CTXN2: variants seen among roughly 807,000 people sequenced by gnomAD.
CTXN2 encodes the protein cortexin-2.
A neutral mutation model predicts 5.7 loss-of-function variants in CTXN2; 3 were observed. That is an observed-to-expected ratio of 0.53 (90% CI 0.24 to 1.36). CTXN2 has a LOEUF of 1.36. Among genes scored for constraint, CTXN2 ranks in the 40% most tolerant of loss-of-function variants. The pLI, the probability that CTXN2 is intolerant of heterozygous loss-of-function variation, is 0.17. For synonymous variants in CTXN2, 38 were observed against 36.4 expected (o/e 1.04, Z -0.16); for missense variants, 87 against 93.0 (o/e 0.94, Z 0.26).
At chr15:48,188,080 G>C (rs2040776066), upstream of CTXN2, among the ~76,000 whole-genome samples, 1 of 151,778 alleles carries the variant, frequency 6.6e-6, no homozygotes, top group Non-Finnish European at 1.5e-5. Flanking sequence ...TAATCAAAAA[G>C]TAGAGAAATT....
At chr15:48,201,056 C>A (rs2040924292) in intron 1 of CTXN2, among the ~76,000 whole-genome samples, 188 bp from the exon 2 acceptor site, 1 of 152,204 alleles carries the variant, frequency 6.6e-6, no homozygotes, top group Non-Finnish European at 1.5e-5. Context: ...AAAGGAAATT[C>A]TTTAATTACA....
At chr15:48,188,860 T>C (rs1413926667), upstream of CTXN2, among the ~76,000 whole-genome samples, 1 of 152,222 alleles carries the variant, frequency 6.6e-6, no homozygotes, top group Non-Finnish European at 1.5e-5. Flanking sequence ...TTTTATCTTT[T>C]TGCAGTTCTT....
At chr15:48,190,528 C>T (rs755476816), upstream of CTXN2, among the ~76,000 whole-genome samples, 23 of 151,922 alleles carry the variant, frequency 1.5e-4, no homozygotes, top group Non-Finnish European at 2.4e-4. Flanking sequence ...TTTCCTAAAT[C>T]AGTAAATACT....
At chr15:48,199,804 A>G (rs1465692942) in intron 1 of CTXN2, among the ~76,000 whole-genome samples, 1 of 152,136 alleles carries the variant, frequency 6.6e-6, no homozygotes, top group Non-Finnish European at 1.5e-5. Flanking sequence ...TCACTATACT[A>G]TATTGATTAG....
chr15:48,198,486 T>C (rs2040899545), intron 1 of CTXN2, among the ~76,000 whole-genome samples: 1 of 152,188 alleles, frequency 6.6e-6, no homozygotes, highest in South Asian at 2.1e-4. Context: ...TTAAAAATGA[T>C]AAATAACTCA....
chr15:48,183,279 G>A (rs1453628057), intron 1 of CTXN2, among the ~76,000 whole-genome samples: 2 of 152,136 alleles, frequency 1.3e-5, no homozygotes, highest in African/African-American at 4.8e-5. Flanking sequence ...CAGGCCAAAT[G>A]TTTTAAAATG....
intron 1 of CTXN2, among the ~76,000 whole-genome samples, chr15:48,196,341 T>C (rs575095970): frequency 6.6e-6 from 1 of 152,234 alleles, no homozygotes; most frequent in South Asian, 2.1e-4. Flanking sequence ...TGAGTGTTTT[T>C]TCCATGTGCT....
upstream of CTXN2, among the ~76,000 whole-genome samples, chr15:48,191,271 C>T (rs2040818241): frequency 6.6e-6 from 1 of 152,206 alleles, no homozygotes; most frequent in Non-Finnish European, 1.5e-5. Flanking sequence ...AGCAAAATGC[C>T]CGCAGCACAG....
rs2040862218 is a variant in CTXN2 at position 48,194,886 on chromosome 15, C to G, written c.-58+3033C>G. Among the ~76,000 whole-genome samples, 2 of 152,126 alleles carry G rather than the reference C, an allele frequency of 1.3e-5. 1 individual carries two copies. Among genetic ancestry groups the G allele is most frequent in the Admixed American group, 1.3e-4 (2 of 15,264 alleles). ...CTTTCCTAGGCAAAACTCAACAATT[C>G]TTTTCTTCTCTTTAAGTTTTGATCT... is the stretch of plus-strand genomic sequence containing the variant. On this transcript the variant is annotated intron_variant, in intron 1 of 1. Transcript: ENST00000417307.
intron 1 of CTXN2, among the ~76,000 whole-genome samples, chr15:48,197,699 T>G (rs545581113): frequency 2.0e-5 from 3 of 152,136 alleles, no homozygotes; most frequent in African/African-American, 7.2e-5. Flanking sequence ...TCCCTAGTTA[T>G]ACTGCATTGC....
At chr15:48,186,825 G>A (rs1264133259), upstream of CTXN2, among the ~76,000 whole-genome samples, 6 of 150,206 alleles carry the variant, frequency 4.0e-5, no homozygotes, top group Non-Finnish European at 8.8e-5. Context: ...CAGGAGAATC[G>A]CTTGAACCCA....
chr15:48,201,404 G>C lies in CTXN2; in HGVS notation c.104G>C (p.Gly35Ala). The change falls in exon 2 of 2, where the codon GGG becomes GCG. Residue 35 changes from glycine (G) to alanine (A), a missense_variant. Coordinates refer to ENST00000417307, the MANE Select transcript of CTXN2 (RefSeq NM_001145668.2). ...CAAAAAACTGGCTTTGCTTTTGTTG[G>C]GATTTTGTGTATCTTCTTGGGACTT... ...LEQKTGFAFVGILCIFLGLLI... is the reference protein window; with the variant it reads ...LEQKTGFAFVAILCIFLGLLI... 6.4e-7 allele frequency: 1 copy of C among 1,551,352 alleles called. No individual in the cohort carries two copies. Among genetic ancestry groups the C allele is most frequent in the Non-Finnish European group, 8.7e-7 (1 of 1,146,754 alleles).
At position 48,201,387 on chromosome 15, in the gene CTXN2, T is replaced by C. The variant is rs1000743929; in HGVS notation, c.87T>C (p.Thr29=). 6.4e-7 allele frequency: 1 copy of C among 1,551,320 alleles called. No homozygotes were observed. Among genetic ancestry groups the C allele is most frequent in the African/African-American group, 1.4e-5 (1 of 73,036 alleles). The change falls in exon 2 of 2, where the codon ACT becomes ACC. Residue 29 remains threonine, a synonymous_variant. Transcript: ENST00000417307. ...SAFSLTLEQK[T]GFAFVGILCI... is the part of the protein sequence containing the mutation. ...TCTCATTGACTCTGGAGCAAAAAACTGGCTTTGCTTTTGTTGGGATTTTGT... is the reference window on the plus strand; with the variant it reads ...TCTCATTGACTCTGGAGCAAAAAACCGGCTTTGCTTTTGTTGGGATTTTGT...
intron 1 of CTXN2, among the ~76,000 whole-genome samples, chr15:48,178,900 A>G (rs2040655359): frequency 6.6e-6 from 1 of 152,158 alleles, no homozygotes; most frequent in Admixed American, 6.5e-5. Context: ...CTATCAGCTT[A>G]GTAAGAGAAG....
rs1435158382 is a variant in CTXN2 at position 48,202,135 on chromosome 15, A to C, written c.*589A>C. On this transcript the variant is annotated 3_prime_UTR_variant, in exon 2 of 2. Coordinates refer to ENST00000417307, the MANE Select transcript of CTXN2 (RefSeq NM_001145668.2). The stretch of plus-strand genomic sequence containing the variant: ...CCCTCCTATCTCTTCTGTTTGTCGA[A>C]TCTCTTGCAGTAAAATCCCATAGCT... 2.4e-5 allele frequency: 4 copies of C among 168,336 alleles called. No homozygotes were observed. The highest frequency in any genetic ancestry group is 9.7e-5 in the African/African-American group (4 of 41,430). 10.4% of individuals were successfully genotyped at this position (168,336 alleles called of 1,614,324 possible). A position where few individuals can be genotyped will look rare whatever the true frequency, so the allele number is the denominator to read the frequency against.
chr15:48,186,628 C>T (rs1024137880), intron 1 of CTXN2, among the ~76,000 whole-genome samples: 4 of 152,142 alleles, frequency 2.6e-5, no homozygotes, highest in Non-Finnish European at 5.9e-5. Flanking sequence ...TGGCCAGGCG[C>T]GTTGGCTCAC....
At chr15:48,199,296 T>C (rs942149038) in intron 1 of CTXN2, among the ~76,000 whole-genome samples, 1 of 152,212 alleles carries the variant, frequency 6.6e-6, no homozygotes. Context: ...GGCTGACAGC[T>C]GAAGACTGTT....
upstream of CTXN2, among the ~76,000 whole-genome samples, chr15:48,190,736 A>G (rs968316932): frequency 3.9e-5 from 6 of 152,322 alleles, no homozygotes; most frequent in African/African-American, 1.4e-4. Flanking sequence ...TAGGTTCTGG[A>G]TAGAGTCGCA....
intron 1 of CTXN2, among the ~76,000 whole-genome samples, chr15:48,185,388 G>C (rs919073222): frequency 1.3e-5 from 2 of 152,064 alleles, no homozygotes; most frequent in Admixed American, 6.6e-5. Flanking sequence ...AAAAGGGATG[G>C]GAGATATATG....
Sources: allele counts gnomAD v4.1 joint callset (sites outside exome capture counted in the v4.1 genomes callset), GRCh38; gene constraint gnomAD v4.1.1; transcripts MANE v1.5; gene names NCBI Gene and HGNC (gene_info 2026-07-23, HGNC 2026-07-21).